ANKS6: variants seen among roughly 807,000 people sequenced by gnomAD.
ANKS6 encodes ankyrin repeat and SAM domain-containing protein 6.
ANKS6 carries 47 observed loss-of-function variants against 77.9 expected under a neutral mutation model. That is an observed-to-expected ratio of 0.60 (90% confidence interval 0.48 to 0.77). The LOEUF is 0.77. ANKS6 is among the 30% of genes least tolerant of loss of function. ANKS6 has a pLI of 0.00. For missense variants in ANKS6, 1,150 were observed against 1,159.1 expected, an observed-to-expected ratio of 0.99 and a Z score of 0.11; for synonymous variants, 488 against 501.7, an observed-to-expected ratio of 0.97 and a Z score of 0.37.
chr9:98,796,238 GC>G lies in ANKS6; in HGVS notation c.253del (p.Ala85ProfsTer40). 7.1e-7 allele frequency: 1 copy of G among 1,404,526 alleles called. No homozygotes were observed. Among genetic ancestry groups the G allele is most frequent in the Non-Finnish European group, 9.3e-7 (1 of 1,077,118 alleles). The allele number at this position is 1,404,526 out of a possible 1,614,324, so 87.0% of individuals were successfully genotyped here. A position where few individuals can be genotyped will look rare whatever the true frequency, so the allele number is the denominator to read the frequency against. Reference protein sequence around the residue: ...DEAGNTALQFAAAGGHEPLVR... With the variant: ...DEAGNTALQFXAAGGHEPLVR... ...CAGCGGTTCGTGGCCCCCGGCCGCG[GC>G]GAACTGCAGTGCGGTGTTGCCCGCC... On this transcript the variant is annotated frameshift_variant, in exon 1 of 15. Transcript: ENST00000353234. LOFTEE classifies it high-confidence loss of function.
chr9:98,735,994 AT>A lies in ANKS6; in HGVS notation c.*524del. ...CCAGGAAGGCTAACCTCTCACCATA[AT>A]ACATACCCCCCATCTAAGTCAAAAG... is the stretch of plus-strand genomic sequence containing the variant. On this transcript the variant is annotated 3_prime_UTR_variant, in exon 15 of 15. Coordinates refer to ENST00000353234, the MANE Select transcript of ANKS6 (RefSeq NM_173551.5). 1 of 1,223,136 alleles carries A rather than the reference AT, an allele frequency of 8.2e-7. No individual in the cohort carries two copies. Among genetic ancestry groups the A allele is most frequent in the Non-Finnish European group, 1.0e-6 (1 of 982,830 alleles). 75.8% of individuals were successfully genotyped at this position (1,223,136 alleles called of 1,614,324 possible).
chr9:98,780,097 T>A (rs1326612206), intron 6 of ANKS6, 92 bp downstream of exon 6: 1 of 1,557,244 alleles, frequency 6.4e-7, no homozygotes, highest in East Asian at 2.3e-5. Flanking sequence ...CTCCCTAGCA[T>A]AAACCAGCCT....
In ANKS6 at chr9:98,734,578, T is replaced by G. The variant is rs1831385694; in HGVS notation, c.*1941A>C. On this transcript the variant is annotated 3_prime_UTR_variant, in exon 15 of 15. Transcript: ENST00000353234. The stretch of plus-strand genomic sequence containing the variant: ...TTCTAGCTCCAGGAGTCTATAGGAG[T>G]TAGTGGAAAAGGCACAGGCTTGCAA... 1.0e-6 allele frequency: 1 copy of G among 985,004 alleles called. No individual in the cohort carries two copies. Among genetic ancestry groups the G allele is most frequent in the Admixed American group, 6.2e-5 (1 of 16,242 alleles). 61.0% of individuals were successfully genotyped at this position (985,004 alleles called of 1,614,324 possible).
In ANKS6 at chr9:98,741,639, A is replaced by G. The variant is rs533151349; in HGVS notation, c.2511+3920T>C. 2.0e-5 allele frequency among the ~76,000 whole-genome samples: 3 copies of G among 152,350 alleles called. No homozygotes were observed. In the East Asian group the frequency reaches 5.8e-4, roughly 29 times the overall value. Reference sequence around the variant, plus strand: ...AAGAAACAATGACTTAGGACCAACTAACTCCTCATTTCTGGTAAACCTCCA... The same window carrying G: ...AAGAAACAATGACTTAGGACCAACTGACTCCTCATTTCTGGTAAACCTCCA... On this transcript the variant is annotated intron_variant, in intron 14 of 14. Coordinates refer to ENST00000353234, the MANE Select transcript of ANKS6 (RefSeq NM_173551.5).
At position 98,734,790 on chromosome 9, in the gene ANKS6, AGT is replaced by A; in HGVS notation, c.*1727_*1728del. On this transcript the variant is annotated 3_prime_UTR_variant, in exon 15 of 15. Coordinates refer to ENST00000353234, the MANE Select transcript of ANKS6 (RefSeq NM_173551.5). ...GCCAGCACATAGTAGGGGATGAATGAGTGTGTCTCCTTAAAAAGGCTGGGACA... is the reference window on the plus strand; with the variant it reads ...GCCAGCACATAGTAGGGGATGAATGAGTGTCTCCTTAAAAAGGCTGGGACA... 1 of 985,168 alleles carries A rather than the reference AGT, an allele frequency of 1.0e-6. No homozygotes were observed. Among genetic ancestry groups the A allele is most frequent in the Non-Finnish European group, 1.2e-6 (1 of 829,660 alleles). 61.0% of individuals were successfully genotyped at this position (985,168 alleles called of 1,614,324 possible). A position where few individuals can be genotyped will look rare whatever the true frequency, so the allele number is the denominator to read the frequency against.
chr9:98,775,421 T>C (rs1409123321), intron 8 of ANKS6, among the ~76,000 whole-genome samples: 1 of 152,242 alleles, frequency 6.6e-6, no homozygotes, highest in Non-Finnish European at 1.5e-5. Flanking sequence ...TAGAATGTTC[T>C]AATGTAGCCA....
At position 98,777,694 on chromosome 9, in the gene ANKS6, A is replaced by G. The variant is rs562734482; in HGVS notation, c.1568-240T>C. Among the ~76,000 whole-genome samples the G allele has an allele frequency of 1.3e-4, 20 of 152,336 alleles. 1 individual carries two copies. The South Asian group carries it at 1.7e-3, about 13-fold the overall frequency. ...GTCAGACAGTGGTGCCCCCAGCTCA[A>G]TAGTCTGTCTCAGACAGTGGTGCCA... On this transcript the variant is annotated intron_variant, in intron 7 of 14. Transcript: ENST00000353234.
intron 8 of ANKS6, among the ~76,000 whole-genome samples, 153 bp from the exon 9 acceptor site, chr9:98,774,233 C>A (rs1833797875): frequency 6.6e-6 from 1 of 152,184 alleles, no homozygotes; most frequent in Admixed American, 6.5e-5. Flanking sequence ...AGCTCTCCTC[C>A]CAGTAACCGC....
intron 9 of ANKS6, among the ~76,000 whole-genome samples, chr9:98,773,090 C>G (rs970178291): frequency 1.3e-5 from 2 of 152,218 alleles, no homozygotes; most frequent in African/African-American, 2.4e-5. Context: ...ACAACTCCCC[C>G]GTTCCTACCT....
chr9:98,795,439 TCCC>T (rs935027600), intron 1 of ANKS6, among the ~76,000 whole-genome samples: 2 of 151,850 alleles, frequency 1.3e-5, no homozygotes, highest in African/African-American at 4.8e-5. Flanking sequence ...GCTCCCACAC[TCCC>T]CCAACTCCCT....
chr9:98,789,876 C>T (rs888629569), intron 2 of ANKS6: 1 of 545,396 alleles, frequency 1.8e-6, no homozygotes, highest in Admixed American at 3.6e-5. Context: ...ATAGAGGCTT[C>T]CAGGCTCTTG....
Position 98,768,265 on chromosome 9 carries a change from A to T in ANKS6, c.1973-15T>A. ...TATGCTGCCACCTGAGGAAACACAAAATGAGTGAACACCATGGGCACAGAG... is the reference window on the plus strand; with the variant it reads ...TATGCTGCCACCTGAGGAAACACAATATGAGTGAACACCATGGGCACAGAG... On this transcript the variant is annotated splice_polypyrimidine_tract_variant and intron_variant, in intron 10 of 14. Transcript: ENST00000353234. 6.2e-7 allele frequency: 1 copy of T among 1,613,628 alleles called. No individual in the cohort carries two copies. Among genetic ancestry groups the T allele is most frequent in the Middle Eastern group, 1.7e-4 (1 of 6,060 alleles).
At chr9:98,751,232 A>C in intron 12 of ANKS6, 136 bp from the exon 13 acceptor site, 13 of 726,560 alleles carry the variant, frequency 1.8e-5, no homozygotes, top group Non-Finnish European at 2.0e-5. Context: ...AGCTGATCTC[A>C]GCTGGACTCC....
At chr9:98,789,875 TC>T (rs1279404931) in intron 2 of ANKS6, 20 of 538,196 alleles carry the variant, frequency 3.7e-5, no homozygotes, top group Non-Finnish European at 5.7e-5. Flanking sequence ...TATAGAGGCT[TC>T]CAGGCTCTTG....
chr9:98,751,353 TG>T (rs1832422595), intron 12 of ANKS6, among the ~76,000 whole-genome samples: 1 of 152,118 alleles, frequency 6.6e-6, no homozygotes. Context: ...ACAGAGAGTC[TG>T]GGCCAGGACT....
intron 2 of ANKS6, 47 bp from the exon 3 acceptor site, chr9:98,784,923 TAACAG>T (rs1834484008): frequency 6.4e-7 from 1 of 1,567,978 alleles, no homozygotes; most frequent in South Asian, 1.1e-5. Flanking sequence ...AGGTTTAATA[TAACAG>T]AAAAGTCACA....
chr9:98,754,586 G>A (rs1832598311), intron 12 of ANKS6, among the ~76,000 whole-genome samples: 1 of 151,812 alleles, frequency 6.6e-6, no homozygotes, highest in Non-Finnish European at 1.5e-5. Flanking sequence ...AGCTTGCAGT[G>A]AGCCGAGATC....
In ANKS6 at chr9:98,735,025, C is replaced by A; in HGVS notation, c.*1494G>T. 2 of 985,442 alleles carry A rather than the reference C, an allele frequency of 2.0e-6. No individual in the cohort carries two copies. The highest frequency in any genetic ancestry group is 9.4e-5 in the South Asian group (2 of 21,286). 61.0% of individuals were successfully genotyped at this position (985,442 alleles called of 1,614,324 possible). On this transcript the variant is annotated 3_prime_UTR_variant, in exon 15 of 15. Coordinates refer to ENST00000353234, the MANE Select transcript of ANKS6 (RefSeq NM_173551.5). ...AAGCCAGCATAGGGGAATGGGCTTTCATGGCTGGGGGAGGGACAGATGAGA... is the reference window on the plus strand; with the variant it reads ...AAGCCAGCATAGGGGAATGGGCTTTAATGGCTGGGGGAGGGACAGATGAGA...
chr9:98,796,094 A>C (rs1835159350), intron 1 of ANKS6, 39 bp downstream of exon 1: 2 of 1,290,952 alleles, frequency 1.5e-6, no homozygotes, highest in African/African-American at 1.5e-5. Context: ...AGCGCCGGGC[A>C]CCACTCTGGT....
Sources: gnomAD v4.1 joint callset for allele counts (sites outside exome capture counted in the v4.1 genomes callset) on GRCh38, gnomAD v4.1.1 for gene constraint, MANE v1.5 for transcripts, NCBI Gene and HGNC (gene_info 2026-07-23, HGNC 2026-07-21) for gene names.